The following TENM3 variants were observed in gnomAD, a reference collection of about 807,000 sequenced individuals.
TENM3 encodes teneurin transmembrane protein 3.
TENM3 carries 63 observed loss-of-function variants against 255.1 expected under a neutral mutation model. The ratio of observed to expected loss-of-function variants is 0.25; its 90% CI spans 0.20 to 0.30. The LOEUF (loss-of-function observed/expected upper bound fraction) is 0.30. Ranked by LOEUF, TENM3 falls within the 10% of genes least tolerant of loss-of-function variation. The pLI, the probability that TENM3 is intolerant of heterozygous loss-of-function variation, is 1.00. For missense variants in TENM3, 2,929 were observed against 3,461.1 expected, an observed-to-expected ratio of 0.85 and a Z score of 3.86; for synonymous variants, 1,306 against 1,322.3, an observed-to-expected ratio of 0.99 and a Z score of 0.27.
At chr4:182,119,827 A>G in the TENM3 span, among the ~76,000 whole-genome samples, 21 of 152,152 alleles carry the variant, frequency 1.4e-4, no homozygotes, top group African/African-American at 4.8e-4. Flanking sequence ...TCAGATCCCC[A>G]GGTAACTGGG....
At chr4:182,121,728 T>A in the TENM3 span, among the ~76,000 whole-genome samples, 1 of 152,166 alleles carries the variant, frequency 6.6e-6, no homozygotes, top group African/African-American at 2.4e-5. Flanking sequence ...GCTGATGGAG[T>A]ATCTTGCGTC....
chr4:181,689,831 G>A, the TENM3 span, among the ~76,000 whole-genome samples: 1 of 152,150 alleles, frequency 6.6e-6, no homozygotes, highest in Non-Finnish European at 1.5e-5. Context: ...GGCTGTCATG[G>A]AGGTCGGTTA....
chr4:181,665,396 T>C, the TENM3 span, among the ~76,000 whole-genome samples: 1 of 152,200 alleles, frequency 6.6e-6, no homozygotes, highest in Non-Finnish European at 1.5e-5. Context: ...AGGAGAAATA[T>C]TCTGTGCCAT....
At chr4:182,102,866 A>G in the TENM3 span, among the ~76,000 whole-genome samples, 1 of 152,178 alleles carries the variant, frequency 6.6e-6, no homozygotes, top group Non-Finnish European at 1.5e-5. Flanking sequence ...CACATCAAGT[A>G]CTGTACTTAG....
At chr4:181,947,476 G>A in the TENM3 span, among the ~76,000 whole-genome samples, 26 of 152,134 alleles carry the variant, frequency 1.7e-4, no homozygotes, top group East Asian at 3.5e-3. Flanking sequence ...TATTCTTCCC[G>A]TTTACTCTTT....
At chr4:181,610,457 A>C in the TENM3 span, among the ~76,000 whole-genome samples, 2 of 152,130 alleles carry the variant, frequency 1.3e-5, no homozygotes, top group Non-Finnish European at 2.9e-5. Flanking sequence ...TTGTCAACCT[A>C]GTGCAGTTAC....
intron 2 of TENM3, among the ~76,000 whole-genome samples, chr4:182,346,415 A>T (rs1055449394): frequency 1.3e-5 from 2 of 152,032 alleles, no homozygotes; most frequent in Non-Finnish European, 2.9e-5. Context: ...GGAGGTACTT[A>T]TGGGCTTAAA....
At chr4:182,416,763 C>A (rs541713948) in intron 3 of TENM3, among the ~76,000 whole-genome samples, 2 of 152,238 alleles carry the variant, frequency 1.3e-5, no homozygotes, top group Non-Finnish European at 2.9e-5. Context: ...GCAAAACATG[C>A]TCTTTCCTGT....
chr4:182,799,786 A>C lies in TENM3; in HGVS notation c.7535A>C (p.Asn2512Thr), dbSNP rs1766778148. The C allele has an allele frequency of 1.9e-6, 3 of 1,599,764 alleles. No individual in the cohort carries two copies. Among genetic ancestry groups the C allele is most frequent in the South Asian group, 2.3e-5 (2 of 88,398 alleles). Reference sequence around the variant, plus strand: ...GTCAGCCAGGGCCGCGTGCAGACCAACGTGCTCAACATCGCCAACGAGGAC... The same window carrying C: ...GTCAGCCAGGGCCGCGTGCAGACCACCGTGCTCAACATCGCCAACGAGGAC... ...LAVSQGRVQT[N>T]VLNIANEDCI... The change falls in exon 28 of 28, where the codon AAC becomes ACC. Residue 2512 changes from asparagine (N) to threonine (T), a missense_variant. By Grantham distance (65) the Asn-to-Thr change is moderately conservative. Transcript: ENST00000511685. This position sits in a 1 kb window ranked among gnomAD's most constrained non-coding sequence, Gnocchi z 4.2.
chr4:182,180,377 G>A (rs556077239), intron 1 of TENM3, among the ~76,000 whole-genome samples: 1 of 152,144 alleles, frequency 6.6e-6, no homozygotes, highest in South Asian at 2.1e-4. Context: ...TTTATCTGCT[G>A]TTACACTTTA....
At position 182,790,186 on chromosome 4, in the gene TENM3, C is replaced by G. The variant is rs144216477; in HGVS notation, c.5601+797C>G. 7.2e-5 allele frequency among the ~76,000 whole-genome samples: 11 copies of G among 152,264 alleles called. No individual in the cohort carries two copies. The East Asian group carries it at 2.1e-3, about 29-fold the overall frequency. ...CATTTGCCTTTGAGACAAAAGTTCG[C>G]CCTAGAAAATGATTCTGTTTTGAGT... is the stretch of plus-strand genomic sequence containing the variant. On this transcript the variant is annotated intron_variant, in intron 25 of 27. Transcript: ENST00000511685.
chr4:182,116,898 G>T, the TENM3 span, among the ~76,000 whole-genome samples: 1 of 152,168 alleles, frequency 6.6e-6, no homozygotes, highest in African/African-American at 2.4e-5. Context: ...GCACCACTCT[G>T]CATTACCAGC....
the TENM3 span, among the ~76,000 whole-genome samples, chr4:181,596,102 C>T: frequency 6.6e-6 from 1 of 152,128 alleles, no homozygotes; most frequent in Non-Finnish European, 1.5e-5. Context: ...CCACAACACG[C>T]AGAACAGTTC....
the TENM3 span, among the ~76,000 whole-genome samples, chr4:181,935,193 A>T: frequency 6.6e-6 from 1 of 152,240 alleles, no homozygotes. Flanking sequence ...CTGTATCTCT[A>T]TGGAACTAAA....
the TENM3 span, chr4:182,079,863 C>T: frequency 6.6e-6 from 1 of 152,332 alleles, no homozygotes; most frequent in Non-Finnish European, 1.5e-5. Context: ...GTCACTTCAC[C>T]TTTTACCCTC....
chr4:182,673,144 A>G lies in TENM3; in HGVS notation c.1251A>G (p.Lys417=). 1 of 1,613,870 alleles carries G rather than the reference A, an allele frequency of 6.2e-7. No homozygotes were observed. The highest frequency in any genetic ancestry group is 8.5e-7 in the Non-Finnish European group (1 of 1,179,810). The change falls in exon 7 of 28, where the codon AAA becomes AAG. Residue 417 remains lysine (K), a synonymous_variant. Transcript: ENST00000511685. The part of the protein sequence containing the change: ...QLFIDQPQFL[K]FNISLQKDAL... ...TCATTGATCAGCCACAGTTTCTTAA[A>G]TTCAATATCTCTCTTCAGAAGGATG... is the stretch of plus-strand genomic sequence containing the variant.
At chr4:181,517,071 T>C in the TENM3 span, among the ~76,000 whole-genome samples, 1 of 152,102 alleles carries the variant, frequency 6.6e-6, no homozygotes, top group Non-Finnish European at 1.5e-5. Flanking sequence ...CTCTGGTTTG[T>C]ACACTGTCAT....
chr4:181,947,319 A>G, the TENM3 span, among the ~76,000 whole-genome samples: 1 of 152,326 alleles, frequency 6.6e-6, no homozygotes, highest in African/African-American at 2.4e-5. Flanking sequence ...ACTGTCTTCT[A>G]TTGAAAAATT....
At chr4:182,168,029 C>A (rs1042775447) in intron 1 of TENM3, among the ~76,000 whole-genome samples, 1 of 152,156 alleles carries the variant, frequency 6.6e-6, no homozygotes, top group African/African-American at 2.4e-5. Context: ...TCCCGTCACA[C>A]CTCTCGATTA....
Sources: gnomAD v4.1 joint callset for allele counts (sites outside exome capture counted in the v4.1 genomes callset) on GRCh38, gnomAD v4.1.1 for gene constraint, Gnocchi (gnomAD v3.1) non-coding constraint, MANE v1.5 for transcripts, NCBI Gene and HGNC (gene_info 2026-07-23, HGNC 2026-07-21) for gene names.